Variants in TNNT3 observed in about 807,000 individuals in gnomAD.
The protein encoded by TNNT3 is troponin T, fast skeletal muscle.
A neutral mutation model predicts 54.2 loss-of-function variants in TNNT3; 36 were observed. The observed-to-expected ratio is 0.66, with a 90% confidence interval of 0.51 to 0.88. TNNT3 has a LOEUF of 0.88. TNNT3 is among the 40% of genes least tolerant of loss of function. The pLI, the probability that TNNT3 is intolerant of heterozygous loss-of-function variation, is 0.00. For missense variants in TNNT3, 291 were observed against 331.6 expected, an observed-to-expected ratio of 0.88 and a Z score of 0.95; for synonymous variants, 120 against 109.7, an observed-to-expected ratio of 1.09 and a Z score of -0.59.
rs1047975573 is a variant in TNNT3 at position 1,926,721 on chromosome 11, C to T, written c.82+12C>T. The T allele has an allele frequency of 1.2e-6, 2 of 1,613,126 alleles. No individual in the cohort carries two copies. Among genetic ancestry groups the T allele is most frequent in the Non-Finnish European group, 1.7e-6 (2 of 1,180,032 alleles). On this transcript the variant is annotated intron_variant, in intron 6 of 15. Coordinates refer to ENST00000278317, the MANE Select transcript of TNNT3 (RefSeq NM_006757.4). Reference sequence around the variant, plus strand: ...GGAAGTTCAAGAAGGTACGCCGGCGCTCCCCCGCCTCCAGGCCAGAGTCTC... The same window carrying T: ...GGAAGTTCAAGAAGGTACGCCGGCGTTCCCCCGCCTCCAGGCCAGAGTCTC...
At position 1,938,110 on chromosome 11, in the gene TNNT3, G is replaced by A. The variant is rs557039065; in HGVS notation, c.723-328G>A. 3.5e-4 allele frequency: 135 copies of A among 388,082 alleles called. 2 individuals are homozygous for A. The East Asian group carries it at 4.1e-3, about 12-fold the overall frequency. The allele number at this position is 388,082 out of a possible 1,614,324, so 24.0% of individuals were successfully genotyped here. ...GGCATGAGCTCTTTCAAGGCCAAGCGTCTAGGATTATATCATTATCTGCTA... is the reference window on the plus strand; with the variant it reads ...GGCATGAGCTCTTTCAAGGCCAAGCATCTAGGATTATATCATTATCTGCTA... On this transcript the variant is annotated intron_variant, in intron 15 of 15. Coordinates refer to ENST00000278317, the MANE Select transcript of TNNT3 (RefSeq NM_006757.4).
At chr11:1,935,606 A>G (rs894033579) in intron 14 of TNNT3, 20 of 161,970 alleles carry the variant, frequency 1.2e-4, no homozygotes, top group African/African-American at 4.3e-4. Context: ...CCACCCTCCC[A>G]AACACCCGTT....
At chr11:1,925,257 T>G (rs1186104206) in intron 5 of TNNT3, 141 bp downstream of exon 5, 2 of 1,606,136 alleles carry the variant, frequency 1.2e-6, no homozygotes. Context: ...TCTCCTCAGC[T>G]GCAGAAGTCC....
intron 6 of TNNT3, 39 bp downstream of exon 6, chr11:1,926,748 G>T (rs756410221): frequency 1.9e-6 from 3 of 1,612,626 alleles, no homozygotes; most frequent in Non-Finnish European, 2.5e-6. Flanking sequence ...CAGAGTCTCC[G>T]TCCTCCCTTC....
chr11:1,928,838 C>T (rs1852376379), intron 6 of TNNT3: 1 of 529,914 alleles, frequency 1.9e-6, no homozygotes, highest in African/African-American at 1.9e-5. Flanking sequence ...CTTAGCCCCC[C>T]ACCTTGCCCC....
At chr11:1,924,021 C>A (rs1236485675) in intron 4 of TNNT3, among the ~76,000 whole-genome samples, 1 of 151,498 alleles carries the variant, frequency 6.6e-6, no homozygotes, top group Admixed American at 6.6e-5. Flanking sequence ...AGTTCCTTTC[C>A]GTGTCTCTCT....
chr11:1,929,084 C>G, intron 6 of TNNT3, 36 bp from the exon 7 acceptor site: 2 of 1,613,036 alleles, frequency 1.2e-6, no homozygotes, highest in African/African-American at 1.3e-5. Context: ...TGGCTTTTCT[C>G]TTGCATGTGT....
intron 4 of TNNT3, 120 bp from the exon 5 acceptor site, chr11:1,924,979 C>T (rs918389115): frequency 2.6e-6 from 3 of 1,141,776 alleles, no homozygotes; most frequent in African/African-American, 3.1e-5. Flanking sequence ...AGCCCCAGGC[C>T]CTCTTCTCCC....
intron 2 of TNNT3, 23 bp from the exon 3 acceptor site, chr11:1,923,025 C>G: frequency 6.2e-7 from 1 of 1,607,868 alleles, no homozygotes; most frequent in South Asian, 1.1e-5. Context: ...CTCTTTCTTT[C>G]TCTCTCTCTC....
intron 14 of TNNT3, chr11:1,936,375 T>G: frequency 9.0e-7 from 1 of 1,109,478 alleles, no homozygotes; most frequent in South Asian, 1.3e-5. Flanking sequence ...CCTGGAGCCT[T>G]CCTCCTGCCC....
chr11:1,929,979 C>T, intron 8 of TNNT3, 151 bp downstream of exon 8: 5 of 1,098,868 alleles, frequency 4.6e-6, no homozygotes, highest in Middle Eastern at 2.8e-4. Flanking sequence ...CCCAGCGCCT[C>T]GTGTGTTCCG....
intron 1 of TNNT3, among the ~76,000 whole-genome samples, chr11:1,921,064 T>A (rs1849999342): frequency 6.6e-6 from 1 of 151,902 alleles, no homozygotes; most frequent in Non-Finnish European, 1.5e-5. Context: ...GAGGGAAATA[T>A]GAGGAGCTGG....
At chr11:1,925,208 C>T (rs763381905) in intron 5 of TNNT3, 92 bp downstream of exon 5, 2 of 1,574,100 alleles carry the variant, frequency 1.3e-6, no homozygotes. Context: ...CTAAGGATTG[C>T]TGTGTGCCCC....
Position 1,923,062 on chromosome 11 carries a change from G to A in TNNT3, c.31+1G>A. 1 of 1,614,002 alleles carries A rather than the reference G, an allele frequency of 6.2e-7. No individual in the cohort carries two copies. On this transcript the variant is annotated splice_donor_variant, in intron 3 of 15. Coordinates refer to ENST00000278317, the MANE Select transcript of TNNT3 (RefSeq NM_006757.4). LOFTEE classifies it high-confidence loss of function. ...CTGCCCCACAGTGAACAGGTGGAGGGTAAGTGTAACAGCCATTTTCTTTCT... is the reference window on the plus strand; with the variant it reads ...CTGCCCCACAGTGAACAGGTGGAGGATAAGTGTAACAGCCATTTTCTTTCT...
At chr11:1,936,927 C>T (rs377730263) in intron 14 of TNNT3, 36 bp from the exon 15 acceptor site, 218 of 1,587,902 alleles carry the variant, frequency 1.4e-4, no homozygotes, top group African/African-American at 8.8e-4. Context: ...GCCTGGCCCT[C>T]GGGTCGTCGC....
chr11:1,937,535 C>T (rs1019395095), intron 15 of TNNT3, among the ~76,000 whole-genome samples: 1 of 152,178 alleles, frequency 6.6e-6, no homozygotes, highest in African/African-American at 2.4e-5. Context: ...CTTGACACAG[C>T]TACTCGACCA....
At chr11:1,931,596 T>G (rs1853372531) in intron 8 of TNNT3, among the ~76,000 whole-genome samples, 3 of 152,356 alleles carry the variant, frequency 2.0e-5, no homozygotes, top group Admixed American at 2.0e-4. Flanking sequence ...CGGCCATTGC[T>G]CATTTGTCTC....
At chr11:1,927,689 A>C (rs1852005443) in intron 6 of TNNT3, 3 of 152,718 alleles carry the variant, frequency 2.0e-5, no homozygotes, top group Non-Finnish European at 4.4e-5. Flanking sequence ...GCAGGGCCGC[A>C]GGACAGCTTT....
chr11:1,935,137 CCT>C, intron 14 of TNNT3: 1 of 625,052 alleles, frequency 1.6e-6, no homozygotes, highest in African/African-American at 1.8e-5. Context: ...CATGCAGCGC[CCT>C]GAGCGATGAA....
Sources: allele counts gnomAD v4.1 joint callset (sites outside exome capture counted in the v4.1 genomes callset), GRCh38; gene constraint gnomAD v4.1.1; transcripts MANE v1.5; gene names NCBI Gene and HGNC (gene_info 2026-07-23, HGNC 2026-07-21).